The following AGGF1 variants were observed in gnomAD, a reference collection of about 807,000 sequenced individuals.
AGGF1 encodes angiogenic factor with G-patch and FHA domains 1.
Under a neutral mutation model 86.5 loss-of-function variants are expected in AGGF1, and 56 were observed. The ratio of observed to expected loss-of-function variants is 0.65; its 90% CI spans 0.52 to 0.81. AGGF1 has a LOEUF of 0.81. AGGF1 is among the 30% of genes least tolerant of loss of function. The probability of loss-of-function intolerance (pLI) is 0.00; values close to 1 mark genes in which losing one functional copy is unlikely to be tolerated. For synonymous variants in AGGF1, 313 were observed against 297.1 expected (o/e 1.05, Z -0.55); for missense variants, 816 against 850.9 (o/e 0.96, Z 0.51).
chr5:77,057,560 G>C (rs766247232), intron 11 of AGGF1, among the ~76,000 whole-genome samples: 3 of 152,202 alleles, frequency 2.0e-5, no homozygotes, highest in Non-Finnish European at 2.9e-5. Context: ...TCTGAGGTCT[G>C]TGAGACGGAA....
intron 5 of AGGF1, among the ~76,000 whole-genome samples, chr5:77,044,516 C>A (rs1184678021): frequency 6.6e-6 from 1 of 152,058 alleles, no homozygotes. Flanking sequence ...CCTCAGTGCC[C>A]ATAAATAAGC....
At chr5:77,047,468 C>A (rs538880070) in intron 6 of AGGF1, among the ~76,000 whole-genome samples, 1 of 152,290 alleles carries the variant, frequency 6.6e-6, no homozygotes, top group East Asian at 1.9e-4. Flanking sequence ...CGAGGGCCAA[C>A]TGTGTAGTAT....
Position 77,036,601 on chromosome 5 carries a change from T to A in AGGF1, c.562T>A (p.Ser188Thr). The A allele has an allele frequency of 6.2e-7, 1 of 1,614,146 alleles. No homozygotes were observed. The highest frequency in any genetic ancestry group is 1.1e-5 in the South Asian group (1 of 91,090). ...AACAGAAGATACCTCCTTAGAAGGCTCATCATTAGCTGAAAGTTTGAGAGC... is the reference window on the plus strand; with the variant it reads ...AACAGAAGATACCTCCTTAGAAGGCACATCATTAGCTGAAAGTTTGAGAGC... Reference protein sequence around the residue: ...LATEDTSLEGSSLAESLRAAA... With the variant: ...LATEDTSLEGTSLAESLRAAA... The change falls in exon 4 of 14, where the codon TCA becomes ACA. Residue 188 changes from serine to threonine, a missense_variant. Ser to Thr is a moderately conservative substitution (Grantham distance 58). This residue lies in a region of AGGF1 where 240 missense variants were observed against 234.4 expected (regional missense o/e 1.02). Transcript: ENST00000312916.
chr5:77,030,877 G>A lies in AGGF1; in HGVS notation c.111G>A (p.Arg37=). ...TGGAGAAGTTGGAACGTGAACTGCG[G>A]AGCTGCAAGCGGCAGGTGCGGGAGA... ...RKVEKLEREL[R]SCKRQVREIE... Residue 37 remains arginine, a synonymous_variant, in exon 1 of 14, where the codon CGG becomes CGA. Transcript: ENST00000312916. The A allele has an allele frequency of 6.2e-7, 1 of 1,613,488 alleles. No homozygotes were observed. The highest frequency in any genetic ancestry group is 8.5e-7 in the Non-Finnish European group (1 of 1,180,000).
chr5:77,035,892 A>G, intron 3 of AGGF1, 149 bp downstream of exon 3: 5 of 752,896 alleles, frequency 6.6e-6, no homozygotes, highest in Non-Finnish European at 1.1e-5. Flanking sequence ...AGAATGTTGT[A>G]GTTTTTCCAA....
chr5:77,033,826 C>G (rs540133892), intron 1 of AGGF1, among the ~76,000 whole-genome samples: 2 of 152,210 alleles, frequency 1.3e-5, no homozygotes, highest in Non-Finnish European at 2.9e-5. Context: ...TGGGCACTTC[C>G]ACACACTTGT....
chr5:77,061,017 A>G lies in AGGF1; in HGVS notation c.1845-686A>G, dbSNP rs1747554636. 2.6e-5 allele frequency among the ~76,000 whole-genome samples: 4 copies of G among 152,248 alleles called. No homozygotes were observed. In the South Asian group the frequency reaches 8.3e-4, roughly 31 times the overall value. ...TACTCTTAAATTAGCAGAGTATAGA[A>G]TCATAGGACAAAAATGCAAACTGAT... On this transcript the variant is annotated intron_variant, in intron 12 of 13. Coordinates refer to ENST00000312916, the MANE Select transcript of AGGF1 (RefSeq NM_018046.5).
intron 8 of AGGF1, among the ~76,000 whole-genome samples, chr5:77,049,492 G>C (rs759936638): frequency 6.7e-6 from 1 of 149,742 alleles, no homozygotes; most frequent in Non-Finnish European, 1.5e-5. Flanking sequence ...TGCAACTCAA[G>C]TTATAAGTAG....
rs1367500332 is a variant in AGGF1 at position 77,063,416 on chromosome 5, A to T, written c.*164A>T. ...TGCAGCTTTTAAAAACCATTTTTTT[A>T]AAACTAATAAATAGTGACTGAACCA... On this transcript the variant is annotated 3_prime_UTR_variant, in exon 14 of 14. Transcript: ENST00000312916. 14 of 743,092 alleles carry T rather than the reference A, an allele frequency of 1.9e-5. No homozygotes were observed. The highest frequency in any genetic ancestry group is 3.1e-5 in the Non-Finnish European group (14 of 457,482). 46.0% of individuals were successfully genotyped at this position (743,092 alleles called of 1,614,324 possible).
Position 77,030,692 on chromosome 5 carries a change from C to T in AGGF1, c.-75C>T, listed in dbSNP as rs1746824638. 1 of 1,498,386 alleles carries T rather than the reference C, an allele frequency of 6.7e-7. No homozygotes were observed. The highest frequency in any genetic ancestry group is 9.0e-7 in the Non-Finnish European group (1 of 1,117,310). The allele number at this position is 1,498,386 out of a possible 1,614,324, so 92.8% of individuals were successfully genotyped here. A position where few individuals can be genotyped will look rare whatever the true frequency, so the allele number is the denominator to read the frequency against. ...TTCGCTGCCCGCGCGCTCCAGTGGT[C>T]TCTGGGTCCGCCGGCGTCCGTTTCG... is the stretch of plus-strand genomic sequence containing the variant. On this transcript the variant is annotated 5_prime_UTR_variant, in exon 1 of 14. Coordinates refer to ENST00000312916, the MANE Select transcript of AGGF1 (RefSeq NM_018046.5).
intron 5 of AGGF1, among the ~76,000 whole-genome samples, chr5:77,040,108 AT>A (rs11320290): frequency 0.57 from 80,651 of 141,726 alleles, 22,553 homozygotes; most frequent in Admixed American, 0.6. Flanking sequence ...TACTAGGACA[AT>A]TTTTTTTTTT....
intron 5 of AGGF1, among the ~76,000 whole-genome samples, chr5:77,044,377 A>G (rs1436093711): frequency 6.6e-6 from 1 of 152,244 alleles, no homozygotes; most frequent in Non-Finnish European, 1.5e-5. Flanking sequence ...TGTGAGGCCA[A>G]GAGAGTATCT....
rs754273182 is a variant in AGGF1 at position 77,030,540 on chromosome 5, C to T, written c.-227C>T. ...CCAGGAAAGTTTTCCGGTTTGCAGG[C>T]CGCGCACATCGGGCAGGGGCCATCC... is the stretch of plus-strand genomic sequence containing the variant. On this transcript the variant is annotated 5_prime_UTR_variant, in exon 1 of 14. Transcript: ENST00000312916. The T allele has an allele frequency of 6.9e-5, 48 of 694,374 alleles. No homozygotes were observed. Among genetic ancestry groups the T allele is most frequent in the Non-Finnish European group, 1.1e-4 (42 of 381,452 alleles). The allele number at this position is 694,374 out of a possible 1,614,324, so 43.0% of individuals were successfully genotyped here.
In AGGF1 at chr5:77,053,977, T is replaced by C. The variant is rs1747419327; in HGVS notation, c.1480T>C (p.Cys494Arg). 1 of 1,614,210 alleles carries C rather than the reference T, an allele frequency of 6.2e-7. No individual in the cohort carries two copies. The highest frequency in any genetic ancestry group is 8.5e-7 in the Non-Finnish European group (1 of 1,180,036). ...GKQILQPKTK[C>R]DPYVLEHGDE... ...GTTTCCCCTCTAGCCGAAAACTAAA[T>C]GTGACCCTTACGTACTTGAGCATGG... The change falls in exon 10 of 14, where the codon TGT becomes CGT. Residue 494 changes from cysteine to arginine, a missense_variant. By Grantham distance (180) the Cys-to-Arg change is radical. Transcript: ENST00000312916.
intron 13 of AGGF1, 100 bp downstream of exon 13, chr5:77,061,902 G>A: frequency 9.2e-7 from 1 of 1,085,178 alleles, no homozygotes; most frequent in Admixed American, 1.8e-5. Flanking sequence ...GAATATAGTA[G>A]AAAGCAAAAG....
intron 5 of AGGF1, among the ~76,000 whole-genome samples, chr5:77,043,453 C>T (rs1201423079): frequency 1.0e-5 from 1 of 99,452 alleles, no homozygotes; most frequent in Admixed American, 9.5e-5. Context: ...GCGCCCCTCA[C>T]CTCCCAGACG....
At chr5:77,041,289 G>A (rs1221060964) in intron 5 of AGGF1, among the ~76,000 whole-genome samples, 7 of 152,076 alleles carry the variant, frequency 4.6e-5, no homozygotes, top group East Asian at 1.9e-4. Context: ...GTTGTAGGTC[G>A]GGTGTGATGG....
rs895095014 is a variant in AGGF1 at position 77,065,190 on chromosome 5, T to C, written c.*1938T>C. ...TGTTTAGAAGCATAAATGTGAATTA[T>C]ATACAGTTTGAATTTTGCATAAATT... is the stretch of plus-strand genomic sequence containing the variant. On this transcript the variant is annotated 3_prime_UTR_variant, in exon 14 of 14. Coordinates refer to ENST00000312916, the MANE Select transcript of AGGF1 (RefSeq NM_018046.5). The C allele has an allele frequency of 1.3e-5, 2 of 152,240 alleles. No individual in the cohort carries two copies. The highest frequency in any genetic ancestry group is 2.9e-5 in the Non-Finnish European group (2 of 68,034). The allele number at this position is 152,240 out of a possible 1,614,324, so 9.4% of individuals were successfully genotyped here. A position where few individuals can be genotyped will look rare whatever the true frequency, so the allele number is the denominator to read the frequency against.
At chr5:77,045,846 G>C (rs1295112404) in intron 5 of AGGF1, among the ~76,000 whole-genome samples, 1 of 152,236 alleles carries the variant, frequency 6.6e-6, no homozygotes, top group African/African-American at 2.4e-5. Context: ...CAAATGTGCT[G>C]TTAAGTGTAA....
Sources: gnomAD v4.1 joint callset for allele counts (sites outside exome capture counted in the v4.1 genomes callset) on GRCh38, gnomAD v4.1.1 for gene constraint, gnomAD v4.1.1 regional missense constraint, MANE v1.5 for transcripts, NCBI Gene and HGNC (gene_info 2026-07-23, HGNC 2026-07-21) for gene names.